NKAIN2: variants seen among roughly 807,000 people sequenced by gnomAD.
The protein encoded by NKAIN2 is sodium/potassium transporting ATPase interacting 2.
NKAIN2 carries 14 observed loss-of-function variants against 32.6 expected under a neutral mutation model. The ratio of observed to expected loss-of-function variants is 0.43; its 90% CI spans 0.28 to 0.67. NKAIN2 has a LOEUF of 0.67. NKAIN2 is among the 30% of genes least tolerant of loss of function. The pLI is 0.17. For synonymous variants in NKAIN2, 80 were observed against 87.2 expected, an observed-to-expected ratio of 0.92 and a Z score of 0.46; for missense variants, 198 against 258.3, an observed-to-expected ratio of 0.77 and a Z score of 1.60.
At chr6:124,648,388 T>G (rs1784251813) in intron 3 of NKAIN2, among the ~76,000 whole-genome samples, 1 of 152,014 alleles carries the variant, frequency 6.6e-6, no homozygotes, top group East Asian at 1.9e-4. Context: ...ATCTCAAAAA[T>G]AGGGAGAAAA....
chr6:123,917,901 A>G (rs1310309173), intron 1 of NKAIN2, among the ~76,000 whole-genome samples: 1 of 152,186 alleles, frequency 6.6e-6, no homozygotes, highest in Non-Finnish European at 1.5e-5. Context: ...GGACCAGCTT[A>G]CAGGAGCTAA....
chr6:124,070,360 A>G (rs963683098), intron 1 of NKAIN2, among the ~76,000 whole-genome samples: 1 of 151,928 alleles, frequency 6.6e-6, no homozygotes, highest in Non-Finnish European at 1.5e-5. Context: ...ACCTACCTGA[A>G]TCTTGAACTT....
At chr6:124,343,975 T>G (rs2115094915) in intron 2 of NKAIN2, among the ~76,000 whole-genome samples, 1 of 151,822 alleles carries the variant, frequency 6.6e-6, no homozygotes, top group East Asian at 2.0e-4. Context: ...GTCTAAGGTT[T>G]AAGTCTTTAA....
intron 1 of NKAIN2, among the ~76,000 whole-genome samples, chr6:123,920,623 A>C (rs1775708475): frequency 6.6e-6 from 1 of 152,086 alleles, no homozygotes; most frequent in Admixed American, 6.6e-5. Context: ...TTTGTCCACT[A>C]TATCACAGCC....
chr6:124,815,296 C>T (rs369933339), intron 5 of NKAIN2, among the ~76,000 whole-genome samples: 16 of 139,560 alleles, frequency 1.1e-4, no homozygotes, highest in African/African-American at 3.6e-4. Context: ...ATATTTGAGA[C>T]GGAGTTTCCC....
intron 1 of NKAIN2, among the ~76,000 whole-genome samples, chr6:123,936,472 G>C (rs142624876): frequency 6.6e-6 from 1 of 152,184 alleles, no homozygotes; most frequent in Non-Finnish European, 1.5e-5. Context: ...AATATCTGCA[G>C]TGTCAAAGAA....
At chr6:124,081,938 T>G (rs1172736306) in intron 1 of NKAIN2, among the ~76,000 whole-genome samples, 1 of 152,138 alleles carries the variant, frequency 6.6e-6, no homozygotes, top group Non-Finnish European at 1.5e-5. Flanking sequence ...CTTGCTGAGC[T>G]TTATTAAGAT....
In NKAIN2 at chr6:124,707,315, C is replaced by T. The variant is rs370381779; in HGVS notation, c.474+48929C>T. Among the ~76,000 whole-genome samples, 3 of 152,086 alleles carry T rather than the reference C, an allele frequency of 2.0e-5. No homozygotes were observed. In the East Asian group the frequency reaches 5.8e-4, roughly 29 times the overall value. Reference sequence around the variant, plus strand: ...GCAATAAACATACGTGTGCATGTGTCTTTATAGCAGAATGATTTATAGTCC... The same window carrying T: ...GCAATAAACATACGTGTGCATGTGTTTTTATAGCAGAATGATTTATAGTCC... On this transcript the variant is annotated intron_variant, in intron 4 of 6. Coordinates refer to ENST00000368417, the MANE Select transcript of NKAIN2 (RefSeq NM_001040214.3).
At chr6:124,159,470 A>C (rs1035529074) in intron 1 of NKAIN2, among the ~76,000 whole-genome samples, 3 of 152,148 alleles carry the variant, frequency 2.0e-5, no homozygotes, top group African/African-American at 7.2e-5. Flanking sequence ...ACTTGAAATT[A>C]AAAACCTCAC....
intron 1 of NKAIN2, among the ~76,000 whole-genome samples, chr6:124,152,378 G>A (rs1208426839): frequency 1.3e-5 from 2 of 151,866 alleles, no homozygotes; most frequent in South Asian, 2.1e-4. Context: ...TTGAAACCTG[G>A]TAGTGTATGT....
At chr6:124,074,507 C>G (rs185612467) in intron 1 of NKAIN2, among the ~76,000 whole-genome samples, 17 of 152,220 alleles carry the variant, frequency 1.1e-4, no homozygotes, top group Admixed American at 2.0e-4. Context: ...TATATCTGCA[C>G]CTTTGCACCC....
In NKAIN2 at chr6:124,688,472, T is replaced by A. The variant is rs373306143; in HGVS notation, c.474+30086T>A. On this transcript the variant is annotated intron_variant, in intron 4 of 6. Transcript: ENST00000368417. ...ATTTGTTACAATTGATGAATCTGCA[T>A]TGAGACATCATTATCACCCAGAGTC... 2.6e-3 allele frequency among the ~76,000 whole-genome samples: 389 copies of A among 152,220 alleles called. 4 individuals are homozygous for A. The highest frequency in any genetic ancestry group is 9.0e-3 in the African/African-American group (374 of 41,568).
At chr6:124,715,615 G>A (rs183634784) in intron 4 of NKAIN2, among the ~76,000 whole-genome samples, 15 of 152,322 alleles carry the variant, frequency 9.8e-5, no homozygotes, top group East Asian at 9.7e-4. Context: ...TCACTGAGGT[G>A]GACGAGCTTG....
chr6:123,866,386 G>GT (rs148840995), intron 1 of NKAIN2, among the ~76,000 whole-genome samples: 10,322 of 152,098 alleles, frequency 0.068, 1,070 homozygotes, highest in African/African-American at 0.23. Context: ...CATTTCGAAG[G>GT]TTCTAAGGAA....
At chr6:124,381,060 A>T (rs1772612748) in intron 3 of NKAIN2, among the ~76,000 whole-genome samples, 2 of 152,210 alleles carry the variant, frequency 1.3e-5, no homozygotes, top group South Asian at 4.1e-4. Flanking sequence ...CTATAAGACC[A>T]GATGCAAATA....
At chr6:124,806,059 C>T (rs1206430771) in intron 5 of NKAIN2, among the ~76,000 whole-genome samples, 1 of 152,182 alleles carries the variant, frequency 6.6e-6, no homozygotes, top group Non-Finnish European at 1.5e-5. Context: ...AGTTGGAAAA[C>T]ATTCTGCAGG....
chr6:124,518,292 TA>T (rs59600600), intron 3 of NKAIN2, among the ~76,000 whole-genome samples: 39,478 of 140,054 alleles, frequency 0.28, 5,747 homozygotes, highest in Middle Eastern at 0.39. Context: ...TGATTCTAGT[TA>T]AAAAAAAAAA....
At chr6:123,846,893 C>A (rs1307362337) in intron 1 of NKAIN2, among the ~76,000 whole-genome samples, 1 of 152,072 alleles carries the variant, frequency 6.6e-6, no homozygotes, top group African/African-American at 2.4e-5. Flanking sequence ...CTCTTTCATT[C>A]ACAAATATCC....
intron 1 of NKAIN2, among the ~76,000 whole-genome samples, chr6:124,280,147 T>C (rs879632588): frequency 2.0e-5 from 3 of 152,144 alleles, no homozygotes; most frequent in Admixed American, 6.5e-5. Flanking sequence ...CTATGTCAGA[T>C]GATTACAAGG....
Sources: allele counts gnomAD v4.1 joint callset (sites outside exome capture counted in the v4.1 genomes callset), GRCh38; gene constraint gnomAD v4.1.1; transcripts MANE v1.5; gene names NCBI Gene and HGNC (gene_info 2026-07-23, HGNC 2026-07-21).